GANAB: variants seen among roughly 807,000 people sequenced by gnomAD.
The protein encoded by GANAB is neutral alpha-glucosidase AB.
A neutral mutation model predicts 129.9 loss-of-function variants in GANAB; 35 were observed. The observed-to-expected ratio is 0.27, with a 90% CI of 0.21 to 0.36. GANAB has a LOEUF of 0.36. Ranked by LOEUF, GANAB falls within the 10% of genes least tolerant of loss-of-function variation. The pLI is 1.00. For synonymous variants in GANAB, 482 were observed against 451.8 expected (o/e 1.07, Z -0.85); for missense variants, 939 against 1,221.0 (o/e 0.77, Z 3.44).
At chr11:62,642,511 T>C (rs1944313552) in intron 1 of GANAB, among the ~76,000 whole-genome samples, 1 of 151,782 alleles carries the variant, frequency 6.6e-6, no homozygotes, top group Non-Finnish European at 1.5e-5. Flanking sequence ...CTCAGCTCAC[T>C]GCAACCTCTG....
chr11:62,629,353 T>G, intron 15 of GANAB, 58 bp from the exon 16 acceptor site: 1 of 1,197,576 alleles, frequency 8.4e-7, no homozygotes, highest in Non-Finnish European at 1.3e-6. Flanking sequence ...GCTTTTTACA[T>G]GGCTGACCTC....
At chr11:62,646,536 G>A in intron 1 of GANAB, 26 bp downstream of exon 1, 1 of 1,610,910 alleles carries the variant, frequency 6.2e-7, no homozygotes, top group African/African-American at 1.3e-5. Context: ...CGTCCCGGGC[G>A]CGCCCCCAGA....
chr11:62,626,006 C>T, intron 23 of GANAB, 59 bp downstream of exon 23: 1 of 1,495,120 alleles, frequency 6.7e-7, no homozygotes, highest in South Asian at 1.1e-5. Context: ...AAGGGCATCC[C>T]TAAACCTGCC....
chr11:62,633,331 C>G (rs1943782167), intron 6 of GANAB, 60 bp from the exon 7 acceptor site: 1 of 1,550,752 alleles, frequency 6.4e-7, no homozygotes, highest in Admixed American at 1.7e-5. Flanking sequence ...TCCCCGCTCC[C>G]ATCAACTAAA....
At chr11:62,637,759 G>C (rs1944008198) in intron 4 of GANAB, among the ~76,000 whole-genome samples, 1 of 151,896 alleles carries the variant, frequency 6.6e-6, no homozygotes, top group Non-Finnish European at 1.5e-5. Flanking sequence ...ACCCAGCCGG[G>C]CGCGGTGGCT....
chr11:62,639,699 C>A lies in GANAB; in HGVS notation c.71G>T (p.Gly24Val). The A allele has an allele frequency of 6.2e-7, 1 of 1,613,854 alleles. No homozygotes were observed. The highest frequency in any genetic ancestry group is 8.5e-7 in the Non-Finnish European group (1 of 1,179,898). The change falls in exon 2 of 24, where the codon GGG becomes GTG. Residue 24 changes from glycine (G) to valine (V), a missense_variant. Transcript: ENST00000356638. ...AGCAAGGGTAATCCCCAGGCAGACC[C>A]CTAAAAAAGCCAGTACCAAAGACGC... is the stretch of plus-strand genomic sequence containing the variant. ...SWASLVLAFL[G>V]VCLGITLAVD...
At chr11:62,637,988 A>G (rs1944024872) in intron 4 of GANAB, among the ~76,000 whole-genome samples, 1 of 152,158 alleles carries the variant, frequency 6.6e-6, no homozygotes, top group Admixed American at 6.5e-5. Context: ...AAATATATAT[A>G]ATTTATTGCT....
At chr11:62,632,261 A>G (rs1299519159) in intron 9 of GANAB, among the ~76,000 whole-genome samples, 1 of 152,154 alleles carries the variant, frequency 6.6e-6, no homozygotes, top group Non-Finnish European at 1.5e-5. Context: ...GGCATGAGCC[A>G]CCACACCCAG....
At position 62,639,450 on chromosome 11, in the gene GANAB, C is replaced by T. The variant is rs536141617; in HGVS notation, c.161G>A (p.Arg54Gln). ...GGCTCGGTATGGAGAGAGGCCTGGC[C>T]GTATGCTTCTCTGTCGCCTGCCAAG... ...SSFCKRQRSI[R>Q]PGLSPYRALL... The change falls in exon 3 of 24, where the codon CGG becomes CAG. Residue 54 changes from arginine to glutamine, a missense_variant. Around this residue, in one of 5 missense-constraint regions of GANAB, gnomAD observed 321 missense variants for 329.1 expected, o/e 0.98. Transcript: ENST00000356638. 5.6e-6 allele frequency: 9 copies of T among 1,613,208 alleles called. No individual in the cohort carries two copies. In the African/African-American group the frequency reaches 1.1e-4, roughly 19 times the overall value.
At chr11:62,644,080 G>T (rs977315499) in intron 1 of GANAB, among the ~76,000 whole-genome samples, 1 of 152,132 alleles carries the variant, frequency 6.6e-6, no homozygotes, top group Admixed American at 6.5e-5. Flanking sequence ...AAGTAGCTGG[G>T]ATTACAGGCG....
intron 1 of GANAB, among the ~76,000 whole-genome samples, chr11:62,645,720 C>G (rs1944449535): frequency 6.6e-6 from 1 of 152,144 alleles, no homozygotes; most frequent in South Asian, 2.1e-4. Context: ...GAGAGGTGTT[C>G]ATAGGCCAAA....
chr11:62,626,323 G>T lies in GANAB; in HGVS notation c.2624+12C>A. 2 of 1,554,784 alleles carry T rather than the reference G, an allele frequency of 1.3e-6. No individual in the cohort carries two copies. Among genetic ancestry groups the T allele is most frequent in the Non-Finnish European group, 1.8e-6 (2 of 1,125,800 alleles). ...AGCAAAGGCAGCCAAGGAAGAGTGGGTGACCCATTACCTGGAGACAAGGGT... is the reference window on the plus strand; with the variant it reads ...AGCAAAGGCAGCCAAGGAAGAGTGGTTGACCCATTACCTGGAGACAAGGGT... On this transcript the variant is annotated intron_variant, in intron 22 of 23. Coordinates refer to ENST00000356638, the MANE Select transcript of GANAB (RefSeq NM_198334.3).
chr11:62,634,661 C>T (rs1446213807), intron 5 of GANAB, 160 bp downstream of exon 5: 7 of 651,078 alleles, frequency 1.1e-5, no homozygotes, highest in South Asian at 1.9e-5. Context: ...TGGAAAAAAC[C>T]GCACCCGGGT....
At position 62,631,048 on chromosome 11, in the gene GANAB, G is replaced by A; in HGVS notation, c.1132C>T (p.Gln378Ter). 6.2e-7 allele frequency: 1 copy of A among 1,603,866 alleles called. No individual in the cohort carries two copies. Among genetic ancestry groups the A allele is most frequent in the Non-Finnish European group, 8.5e-7 (1 of 1,171,402 alleles). The change falls in exon 10 of 24, where the codon CAA becomes TAA. Residue 378 changes from glutamine (Q) to a stop codon, truncating the protein, a stop_gained. Coordinates refer to ENST00000356638, the MANE Select transcript of GANAB (RefSeq NM_198334.3). LOFTEE classifies it high-confidence loss of function. Reference protein sequence around the residue: ...LGPSISDVFRQYASLTGTQAL... With the variant: ...LGPSISDVFR ...CATGTACCTGTGAGACTAGCATATT[G>A]CCGGAAAACATCAGAGATGGAGGGC...
intron 17 of GANAB, among the ~76,000 whole-genome samples, chr11:62,627,751 G>A (rs1329731340): frequency 6.6e-6 from 1 of 151,910 alleles, no homozygotes; most frequent in Non-Finnish European, 1.5e-5. Flanking sequence ...AAAAAGAAAA[G>A]AAAAGAACAG....
chr11:62,640,529 T>A (rs1319306958), intron 1 of GANAB, among the ~76,000 whole-genome samples: 1 of 39,596 alleles, frequency 2.5e-5, no homozygotes. Context: ...TGAGACTCCA[T>A]CTCCAAAAAA....
At position 62,629,680 on chromosome 11, in the gene GANAB, A is replaced by T; in HGVS notation, c.1742T>A (p.Met581Lys). ...VHNIYGLYVH[M>K]ATADGLRQRS... ...CTGTCTCAGCCCATCAGCAGTCGCC[A>T]TGTGCTGGGTGAGGAGAGAAGAGAC... Residue 581 changes from methionine to lysine, a missense_variant, in exon 15 of 24, where the codon ATG (methionine) becomes AAG (lysine). Met to Lys is a moderately conservative substitution (Grantham distance 95). This residue lies in a region of GANAB where 147 missense variants were observed against 282.4 expected (regional missense o/e 0.52). Coordinates refer to ENST00000356638, the MANE Select transcript of GANAB (RefSeq NM_198334.3). 1 of 1,613,146 alleles carries T rather than the reference A, an allele frequency of 6.2e-7. No individual in the cohort carries two copies.
chr11:62,629,900 C>T lies in GANAB; in HGVS notation c.1651G>A (p.Gly551Ser). The change falls in exon 14 of 24, where the codon GGT (glycine) becomes AGT (serine). Residue 551 changes from glycine to serine, a missense_variant. Gly to Ser is a moderately conservative substitution (Grantham distance 56). This residue lies in a region of GANAB where 147 missense variants were observed against 282.4 expected (regional missense o/e 0.52). Coordinates refer to ENST00000356638, the MANE Select transcript of GANAB (RefSeq NM_198334.3). ...NDMNEPSVFN[G>S]PEVTMLKDAQ... ...TCCTTGAGCATGGTGACCTCAGGAC[C>T]ATTGAACACAGATGGTTCGTTCATG... 1.2e-6 allele frequency: 2 copies of T among 1,614,066 alleles called. No individual in the cohort carries two copies. The highest frequency in any genetic ancestry group is 1.7e-6 in the Non-Finnish European group (2 of 1,179,932).
chr11:62,643,986 C>T (rs185848659), intron 1 of GANAB, among the ~76,000 whole-genome samples: 1 of 152,110 alleles, frequency 6.6e-6, no homozygotes, highest in African/African-American at 2.4e-5. Context: ...CTCTTGTTGC[C>T]CATGCTGGAG....
Sources: gnomAD v4.1 joint callset for allele counts (sites outside exome capture counted in the v4.1 genomes callset) on GRCh38, gnomAD v4.1.1 for gene constraint, gnomAD v4.1.1 regional missense constraint, MANE v1.5 for transcripts, NCBI Gene and HGNC (gene_info 2026-07-23, HGNC 2026-07-21) for gene names.